NDUFA3: variants seen among roughly 807,000 people sequenced by gnomAD.
The protein encoded by NDUFA3 is NADH dehydrogenase [ubiquinone] 1 alpha subcomplex subunit 3.
In NDUFA3, 10 loss-of-function variants were observed where a neutral mutation model predicts 11.4. The ratio of observed to expected loss-of-function variants is 0.87; its 90% CI spans 0.54 to 1.48. The LOEUF is 1.48. NDUFA3 is among the 40% of genes most tolerant of loss of function. The pLI, the probability that NDUFA3 is intolerant of heterozygous loss-of-function variation, is 0.00. For synonymous variants in NDUFA3, 39 were observed against 46.9 expected, an observed-to-expected ratio of 0.83 and a Z score of 0.68; for missense variants, 115 against 110.5, an observed-to-expected ratio of 1.04 and a Z score of -0.18.
intron 2 of NDUFA3, among the ~76,000 whole-genome samples, chr19:54,105,264 C>CCTTTTTT (rs1316415018): frequency 0.083 from 5,872 of 70,854 alleles, 689 homozygotes; most frequent in Middle Eastern, 0.11. Flanking sequence ...GTTTGTAAGG[C>CCTTTTTT]TTTTTTTTTT....
rs2073305259 is a variant in NDUFA3, at chr19:54,107,498, C to A, written c.*596C>A. 3.0e-6 allele frequency: 1 copy of A among 336,822 alleles called. No individual in the cohort carries two copies. The highest frequency in any genetic ancestry group is 5.5e-6 in the Non-Finnish European group (1 of 182,944). The allele number at this position is 336,822 out of a possible 1,614,324, so 20.9% of individuals were successfully genotyped here. On this transcript the variant is annotated 3_prime_UTR_variant, in exon 4 of 4. Coordinates refer to ENST00000485876, the MANE Select transcript of NDUFA3 (RefSeq NM_004542.4). Reference sequence around the variant, plus strand: ...TCCTGGCCTCAAGTGATCCTCCCACCTAGGCCTCCCAAAGTGCCGGGATTA... The same window carrying A: ...TCCTGGCCTCAAGTGATCCTCCCACATAGGCCTCCCAAAGTGCCGGGATTA...
chr19:54,105,263 G>GATTTTTTTTTTTTT (rs1201834834), intron 2 of NDUFA3, among the ~76,000 whole-genome samples: 2,087 of 38,850 alleles, frequency 0.054, 89 homozygotes, highest in South Asian at 0.12. Flanking sequence ...AGTTTGTAAG[G>GATTTTTTTTTTTTT]CTTTTTTTTT....
At chr19:54,106,749 A>G (rs2073273084) in intron 3 of NDUFA3, 62 bp from the exon 4 acceptor site, 1 of 1,387,590 alleles carries the variant, frequency 7.2e-7, no homozygotes, top group Non-Finnish European at 9.7e-7. Context: ...GCGACAGACC[A>G]GCTCTTCTCT....
intron 2 of NDUFA3, among the ~76,000 whole-genome samples, chr19:54,103,462 C>T (rs1451848787): frequency 6.6e-6 from 1 of 152,102 alleles, no homozygotes. Flanking sequence ...AAAAAAAAGT[C>T]CAGATCCTCC....
chr19:54,105,265 T>C (rs1459384497), intron 2 of NDUFA3, among the ~76,000 whole-genome samples: 289 of 20,914 alleles, frequency 0.014, 6 homozygotes, highest in East Asian at 0.022. Flanking sequence ...TTTGTAAGGC[T>C]TTTTTTTTTT....
chr19:54,104,783 G>T (rs1227678532), intron 2 of NDUFA3, among the ~76,000 whole-genome samples: 1 of 151,538 alleles, frequency 6.6e-6, no homozygotes, highest in Non-Finnish European at 1.5e-5. Context: ...CTTTTGTCCA[G>T]GCTAGAGTGC....
chr19:54,103,108 C>T lies in NDUFA3; in HGVS notation c.11-6C>T. On this transcript the variant is annotated splice_region_variant and splice_polypyrimidine_tract_variant and intron_variant, in intron 1 of 3. Transcript: ENST00000485876. Reference sequence around the variant, plus strand: ...GCAGGGGTGACGCTTCTTGCCACCCCTTCAGGAGTCGGCGCCTTCCTCAAG... The same window carrying T: ...GCAGGGGTGACGCTTCTTGCCACCCTTTCAGGAGTCGGCGCCTTCCTCAAG... 6.2e-7 allele frequency: 1 copy of T among 1,612,198 alleles called. No homozygotes were observed. The highest frequency in any genetic ancestry group is 8.5e-7 in the Non-Finnish European group (1 of 1,179,068).
intron 2 of NDUFA3, 90 bp from the exon 3 acceptor site, chr19:54,105,844 A>G (rs1305789863): frequency 7.9e-6 from 9 of 1,138,016 alleles, no homozygotes; most frequent in Non-Finnish European, 1.2e-5. Flanking sequence ...CCCCCTGCGC[A>G]CTTTATCTTC....
intron 2 of NDUFA3, among the ~76,000 whole-genome samples, chr19:54,104,883 C>G (rs140214482): frequency 6.6e-6 from 1 of 151,950 alleles, no homozygotes; most frequent in East Asian, 1.9e-4. Context: ...GGATTACAGG[C>G]GCATGCCACT....
downstream of NDUFA3, chr19:54,107,568 GC>G: frequency 3.5e-6 from 1 of 283,790 alleles, no homozygotes; most frequent in Non-Finnish European, 6.6e-6. Context: ...GTTCTTGTCT[GC>G]CCAGGCCAGT....
intron 2 of NDUFA3, among the ~76,000 whole-genome samples, chr19:54,103,459 A>G (rs1214055226): frequency 2.0e-5 from 3 of 152,158 alleles, no homozygotes; most frequent in Non-Finnish European, 2.9e-5. Context: ...ACCAAAAAAA[A>G]GTCCAGATCC....
At chr19:54,106,753 C>G in intron 3 of NDUFA3, 58 bp from the exon 4 acceptor site, 1 of 1,443,320 alleles carries the variant, frequency 6.9e-7, no homozygotes. Context: ...CAGACCAGCT[C>G]TTCTCTCCAG....
intron 2 of NDUFA3, among the ~76,000 whole-genome samples, chr19:54,103,840 G>A (rs1241244235): frequency 1.3e-5 from 2 of 150,780 alleles, no homozygotes; most frequent in Non-Finnish European, 3.0e-5. Context: ...CTAATTTTTT[G>A]TTTTTGTTTT....
At chr19:54,106,059 G>T (rs1181403091) in intron 3 of NDUFA3, 48 bp downstream of exon 3, 3 of 1,545,442 alleles carry the variant, frequency 1.9e-6, no homozygotes, top group Non-Finnish European at 2.7e-6. Context: ...CAGCCTCCCT[G>T]TGCTGGCGTA....
intron 2 of NDUFA3, 48 bp from the exon 3 acceptor site, chr19:54,105,886 T>G (rs1451977030): frequency 6.6e-7 from 1 of 1,515,630 alleles, no homozygotes; most frequent in Admixed American, 1.7e-5. Flanking sequence ...TCTTCCCCTC[T>G]CTTCAGAGCC....
intron 2 of NDUFA3, among the ~76,000 whole-genome samples, chr19:54,105,263 G>GA (rs1201834834): frequency 0.022 from 873 of 38,986 alleles, 30 homozygotes; most frequent in Middle Eastern, 0.062. Context: ...AGTTTGTAAG[G>GA]CTTTTTTTTT....
intron 2 of NDUFA3, 89 bp downstream of exon 2, chr19:54,103,277 C>T: frequency 7.7e-7 from 1 of 1,305,974 alleles, no homozygotes; most frequent in East Asian, 2.5e-5. Context: ...CCTATCGCCG[C>T]CCTCGGGTCC....
chr19:54,106,551 C>G (rs587595599), intron 3 of NDUFA3: 36 of 456,048 alleles, frequency 7.9e-5, no homozygotes, highest in African/African-American at 6.1e-4. Context: ...TCTCCATCTT[C>G]TCAGGTTTCT....
chr19:54,105,932 A>C lies in NDUFA3; in HGVS notation c.86-2A>C, dbSNP rs111808155. The C allele has an allele frequency of 6.2e-7, 1 of 1,611,368 alleles. No individual in the cohort carries two copies. Reference sequence around the variant, plus strand: ...GGGCCTCACCCCTGTGTCTCTCCACAGCTGTAATTCTGCCCCCATTGAGCC... The same window carrying C: ...GGGCCTCACCCCTGTGTCTCTCCACCGCTGTAATTCTGCCCCCATTGAGCC... On this transcript the variant is annotated splice_acceptor_variant, in intron 2 of 3. Coordinates refer to ENST00000485876, the MANE Select transcript of NDUFA3 (RefSeq NM_004542.4). LOFTEE classifies it high-confidence loss of function.
Sources: gnomAD v4.1 joint callset for allele counts (sites outside exome capture counted in the v4.1 genomes callset) on GRCh38, gnomAD v4.1.1 for gene constraint, MANE v1.5 for transcripts, NCBI Gene and HGNC (gene_info 2026-07-23, HGNC 2026-07-21) for gene names.